The following SATB2 variants were observed in gnomAD, a reference collection of about 807,000 sequenced individuals.
SATB2 encodes the protein SATB homeobox 2, also known as DNA-binding protein SATB2.
In SATB2, 1 loss-of-function variant was observed where a neutral mutation model predicts 73.4. The ratio of observed to expected loss-of-function variants is 0.01; its 90% CI spans 0.00 to 0.06. The LOEUF (loss-of-function observed/expected upper bound fraction) is 0.06. SATB2 is among the 10% of genes least tolerant of loss of function. SATB2 has a pLI of 1.00. For synonymous variants in SATB2, 397 were observed against 367.0 expected (o/e 1.08, Z -0.93); for missense variants, 459 against 945.8 (o/e 0.49, Z 6.75).
At chr2:199,387,284 G>C (rs1236856187) in intron 3 of SATB2, among the ~76,000 whole-genome samples, 5 of 152,170 alleles carry the variant, frequency 3.3e-5, no homozygotes, top group African/African-American at 1.2e-4. Flanking sequence ...CCACGTCCAA[G>C]CGCCCAACCA....
At chr2:199,451,856 A>G (rs1433854547) in intron 2 of SATB2, among the ~76,000 whole-genome samples, 1 of 18,432 alleles carries the variant, frequency 5.4e-5, no homozygotes, top group African/African-American at 6.1e-5. Context: ...CTGCATAATG[A>G]TTTTTTTCCC....
chr2:199,312,549 C>A lies in SATB2; in HGVS notation c.1543-3592G>T, dbSNP rs1026366897. Among the ~76,000 whole-genome samples, 5 of 152,178 alleles carry A rather than the reference C, an allele frequency of 3.3e-5. No individual in the cohort carries two copies. The South Asian group carries it at 8.3e-4, about 25-fold the overall frequency. ...ATTAAATAACGGGGTGACCTTTGGGCAAATAGTTACACTGTTCAAGCTCCT... is the reference window on the plus strand; with the variant it reads ...ATTAAATAACGGGGTGACCTTTGGGAAAATAGTTACACTGTTCAAGCTCCT... On this transcript the variant is annotated intron_variant, in intron 9 of 10. Coordinates refer to ENST00000417098, the MANE Select transcript of SATB2 (RefSeq NM_001172509.2).
At chr2:199,330,755 T>C (rs774317445) in intron 7 of SATB2, among the ~76,000 whole-genome samples, 3 of 152,202 alleles carry the variant, frequency 2.0e-5, no homozygotes, top group Non-Finnish European at 4.4e-5. Flanking sequence ...TTCAAATGAA[T>C]ATGCAGAGAA....
At chr2:199,374,718 T>C (rs1574560720) in intron 5 of SATB2, among the ~76,000 whole-genome samples, 1 of 152,194 alleles carries the variant, frequency 6.6e-6, no homozygotes, top group South Asian at 2.1e-4. Flanking sequence ...AATCCCAGCA[T>C]TTTGGGAGGC....
intron 3 of SATB2, among the ~76,000 whole-genome samples, chr2:199,394,198 T>C (rs1435464958): frequency 1.3e-5 from 2 of 152,196 alleles, no homozygotes; most frequent in Non-Finnish European, 1.5e-5. Context: ...CCCCTCTTCT[T>C]AAAGATGTAT....
At chr2:199,454,378 TA>T (rs1692213935) in intron 2 of SATB2, among the ~76,000 whole-genome samples, 1 of 152,130 alleles carries the variant, frequency 6.6e-6, no homozygotes, top group African/African-American at 2.4e-5. Flanking sequence ...TTTCAGCACT[TA>T]GCATATCTCA....
intron 10 of SATB2, among the ~76,000 whole-genome samples, chr2:199,303,452 C>T (rs1275037244): frequency 1.3e-5 from 2 of 152,098 alleles, no homozygotes; most frequent in African/African-American, 4.8e-5. Context: ...TTTTAACAGA[C>T]AAAACTCAGA....
At chr2:199,441,823 G>C (rs1188524668) in intron 2 of SATB2, among the ~76,000 whole-genome samples, 1 of 152,190 alleles carries the variant, frequency 6.6e-6, no homozygotes, top group Non-Finnish European at 1.5e-5. Context: ...ACATCCTTCG[G>C]TTATAGAAAT....
chr2:199,328,717 C>T lies in SATB2; in HGVS notation c.1367G>A (p.Ser456Asn). Residue 456 changes from serine (S) to asparagine (N), a missense_variant, in exon 8 of 11, where the codon AGC (serine) becomes AAC (asparagine). Ser to Asn is a conservative substitution (Grantham distance 46, BLOSUM62 1). Around this residue, in one of 13 missense-constraint regions of SATB2, gnomAD observed 53 missense variants for 70.5 expected, o/e 0.75. Coordinates refer to ENST00000417098, the MANE Select transcript of SATB2 (RefSeq NM_001172509.2). ...SMVSSASSSP[S>N]SSRTPQAKTS... ...TCTCACCTGAGGGGTTCGGGAGGAG[C>T]TGGGACTGCTGGAGGCCGAGGAGAC... is the stretch of plus-strand genomic sequence containing the variant. 1 of 1,613,070 alleles carries T rather than the reference C, an allele frequency of 6.2e-7. No individual in the cohort carries two copies. Among genetic ancestry groups the T allele is most frequent in the Non-Finnish European group, 8.5e-7 (1 of 1,179,848 alleles).
At chr2:199,356,500 C>T (rs1360350929) in intron 6 of SATB2, among the ~76,000 whole-genome samples, 1 of 152,140 alleles carries the variant, frequency 6.6e-6, no homozygotes, top group Admixed American at 6.6e-5. Flanking sequence ...CCACCTTATG[C>T]TCTAAAACCT....
intron 3 of SATB2, among the ~76,000 whole-genome samples, chr2:199,404,410 A>C (rs140143160): frequency 6.6e-6 from 1 of 152,342 alleles, no homozygotes; most frequent in Admixed American, 6.5e-5. Context: ...ACTTACTGTA[A>C]TTAAAATAGT....
chr2:199,366,392 A>C (rs552588593), intron 6 of SATB2, among the ~76,000 whole-genome samples: 1 of 152,206 alleles, frequency 6.6e-6, no homozygotes, highest in South Asian at 2.1e-4. Context: ...TTCATAGAAA[A>C]AGGCTTCTAC....
chr2:199,355,817 T>C (rs4144841), intron 6 of SATB2, among the ~76,000 whole-genome samples: 21,304 of 152,128 alleles, frequency 0.14, 1,851 homozygotes, highest in East Asian at 0.47. Flanking sequence ...GATATCTCTA[T>C]TAAACTCACC....
upstream of SATB2, chr2:199,458,449 C>T: frequency 2.5e-6 from 1 of 394,158 alleles, no homozygotes; most frequent in Non-Finnish European, 5.0e-6. Flanking sequence ...GGCAGAGAAC[C>T]GAGTGCGGCG....
intron 7 of SATB2, among the ~76,000 whole-genome samples, chr2:199,336,930 CT>C (rs1457934198): frequency 6.6e-6 from 1 of 152,170 alleles, no homozygotes; most frequent in Admixed American, 6.6e-5. Flanking sequence ...AATAATTCTG[CT>C]TCCCTTATAG....
intron 7 of SATB2, among the ~76,000 whole-genome samples, chr2:199,344,242 A>AAC (rs959298838): frequency 4.6e-5 from 7 of 151,976 alleles, no homozygotes; most frequent in African/African-American, 1.4e-4. Flanking sequence ...CAGATGAACG[A>AAC]ACACACACAC....
chr2:199,349,340 G>C (rs1688747804), intron 6 of SATB2, among the ~76,000 whole-genome samples, 167 bp from the exon 7 acceptor site: 1 of 152,062 alleles, frequency 6.6e-6, no homozygotes, highest in Admixed American at 6.5e-5. Flanking sequence ...TCTGCTAAAT[G>C]TTACAATAGA....
intron 2 of SATB2, among the ~76,000 whole-genome samples, chr2:199,437,194 T>TC: frequency 1.3e-5 from 2 of 152,322 alleles, no homozygotes; most frequent in African/African-American, 4.8e-5. Flanking sequence ...AACCTTCTGA[T>TC]CATAAGCCTT....
intron 3 of SATB2, among the ~76,000 whole-genome samples, chr2:199,389,961 T>C (rs1448024656): frequency 6.6e-6 from 1 of 152,100 alleles, no homozygotes; most frequent in African/African-American, 2.4e-5. Flanking sequence ...TTTTGCGGCA[T>C]AAAGATTTTG....
Sources: allele counts gnomAD v4.1 joint callset (sites outside exome capture counted in the v4.1 genomes callset), GRCh38; gene constraint gnomAD v4.1.1; regional missense constraint gnomAD v4.1.1; transcripts MANE v1.5; gene names NCBI Gene and HGNC (gene_info 2026-07-23, HGNC 2026-07-21).